MACROD2: variants seen among roughly 807,000 people sequenced by gnomAD.
The protein encoded by MACROD2 is ADP-ribose glycohydrolase MACROD2.
In MACROD2, 36 loss-of-function variants were observed where a neutral mutation model predicts 70.4. The observed-to-expected ratio is 0.51, with a 90% CI of 0.39 to 0.68. The LOEUF (loss-of-function observed/expected upper bound fraction) is 0.68, where lower values mean the gene tolerates loss of function less well. MACROD2 is among the 30% of genes least tolerant of loss of function. The pLI is 0.00. For synonymous variants in MACROD2, 172 were observed against 178.8 expected (o/e 0.96, Z 0.30); for missense variants, 496 against 538.4 (o/e 0.92, Z 0.78).
chr20:15,719,991 T>C (rs1242027285), intron 8 of MACROD2, among the ~76,000 whole-genome samples: 1 of 152,196 alleles, frequency 6.6e-6, no homozygotes, highest in African/African-American at 2.4e-5. Context: ...ATCACTATTC[T>C]AGTCACTACT....
chr20:14,869,006 C>T (rs1177374525), intron 5 of MACROD2, among the ~76,000 whole-genome samples: 1 of 152,110 alleles, frequency 6.6e-6, no homozygotes, highest in Non-Finnish European at 1.5e-5. Flanking sequence ...CACAAATTAT[C>T]AGGAACTCCA....
intron 5 of MACROD2, among the ~76,000 whole-genome samples, chr20:14,877,649 T>G (rs1445653673): frequency 6.6e-6 from 1 of 152,054 alleles, no homozygotes; most frequent in African/African-American, 2.4e-5. Flanking sequence ...TTCTTGAGGT[T>G]TTTTTGTTTT....
At chr20:16,023,197 C>T (rs34676431) in intron 15 of MACROD2, among the ~76,000 whole-genome samples, 15,177 of 151,602 alleles carry the variant, frequency 0.1, 779 homozygotes, top group East Asian at 0.14. Context: ...TGGTGCCATC[C>T]GGGCATGGTG....
At chr20:14,788,763 GTTTTTT>G (rs1195877119) in intron 5 of MACROD2, among the ~76,000 whole-genome samples, 1 of 79,476 alleles carries the variant, frequency 1.3e-5, no homozygotes. Flanking sequence ...TAGTGGTGGT[GTTTTTT>G]TTTTTTTTTT....
intron 2 of MACROD2, among the ~76,000 whole-genome samples, chr20:14,009,888 A>T (rs1409876546): frequency 6.6e-6 from 1 of 152,164 alleles, no homozygotes; most frequent in Non-Finnish European, 1.5e-5. Flanking sequence ...ACCAAATACC[A>T]CATGTTCTCA....
chr20:15,039,631 T>C (rs1861650116), intron 5 of MACROD2, among the ~76,000 whole-genome samples: 1 of 149,472 alleles, frequency 6.7e-6, no homozygotes, highest in African/African-American at 2.5e-5. Flanking sequence ...TCAGGGAGAG[T>C]GGGAGAGGAG....
intron 6 of MACROD2, among the ~76,000 whole-genome samples, chr20:15,327,619 C>T (rs1363215930): frequency 1.3e-5 from 2 of 151,946 alleles, no homozygotes; most frequent in African/African-American, 2.4e-5. Flanking sequence ...GGGTAACTGC[C>T]CCCATGATTA....
At chr20:14,577,817 G>GAGAAGAGA (rs1555803940) in intron 4 of MACROD2, among the ~76,000 whole-genome samples, 134 of 151,816 alleles carry the variant, frequency 8.8e-4, no homozygotes, top group Middle Eastern at 3.4e-3. Context: ...GAGAAGAGAA[G>GAGAAGAGA]AGAAGAGAAG....
At chr20:14,595,734 C>T (rs1000453735) in intron 4 of MACROD2, among the ~76,000 whole-genome samples, 4 of 152,130 alleles carry the variant, frequency 2.6e-5, no homozygotes, top group Non-Finnish European at 5.9e-5. Context: ...TACACATTGT[C>T]GAATTGCCTC....
intron 2 of MACROD2, among the ~76,000 whole-genome samples, chr20:14,019,944 A>G (rs2053050464): frequency 6.6e-6 from 1 of 152,114 alleles, no homozygotes; most frequent in Non-Finnish European, 1.5e-5. Context: ...ATGGCCTTTT[A>G]TTAGTTTTAC....
chr20:15,648,824 T>A (rs932098437), intron 8 of MACROD2, among the ~76,000 whole-genome samples: 1 of 152,074 alleles, frequency 6.6e-6, no homozygotes, highest in Non-Finnish European at 1.5e-5. Flanking sequence ...CACTGAGAGA[T>A]GAGAAAAAGG....
intron 7 of MACROD2, among the ~76,000 whole-genome samples, chr20:15,432,782 T>C (rs757165530): frequency 3.3e-5 from 5 of 152,162 alleles, no homozygotes; most frequent in Non-Finnish European, 4.4e-5. Flanking sequence ...GTTTATTACC[T>C]TGTCAGAGAG....
chr20:14,758,720 A>G (rs111901162), intron 5 of MACROD2, among the ~76,000 whole-genome samples: 1 of 152,090 alleles, frequency 6.6e-6, no homozygotes, highest in East Asian at 1.9e-4. Context: ...GGATCCTATC[A>G]TTGGAATTAC....
At chr20:14,336,554 G>T (rs1342976162) in intron 3 of MACROD2, among the ~76,000 whole-genome samples, 1 of 152,042 alleles carries the variant, frequency 6.6e-6, no homozygotes, top group Non-Finnish European at 1.5e-5. Context: ...ATTATAAGTT[G>T]CAAAGAATGG....
intron 3 of MACROD2, among the ~76,000 whole-genome samples, chr20:14,260,030 A>G (rs2082089528): frequency 6.6e-6 from 1 of 152,194 alleles, no homozygotes. Flanking sequence ...ATAGTGTGTC[A>G]TTTTACTGAC....
intron 5 of MACROD2, among the ~76,000 whole-genome samples, chr20:14,793,647 C>T (rs2072476666): frequency 2.0e-5 from 3 of 151,926 alleles, no homozygotes; most frequent in Admixed American, 2.0e-4. Context: ...GATGGGGGAA[C>T]AAATTAAAAG....
chr20:15,976,921 C>G (rs960518139), intron 13 of MACROD2, among the ~76,000 whole-genome samples: 1 of 152,162 alleles, frequency 6.6e-6, no homozygotes, highest in Non-Finnish European at 1.5e-5. Context: ...CAGAAACTCC[C>G]TGGTGTTCAT....
At chr20:14,613,702 C>A (rs1010025616) in intron 4 of MACROD2, among the ~76,000 whole-genome samples, 9 of 151,892 alleles carry the variant, frequency 5.9e-5, no homozygotes, top group Admixed American at 5.9e-4. Flanking sequence ...AAGAGAGTAT[C>A]CTAAAATAAC....
At chr20:14,950,705 T>C (rs534899003) in intron 5 of MACROD2, among the ~76,000 whole-genome samples, 9 of 152,270 alleles carry the variant, frequency 5.9e-5, no homozygotes, top group African/African-American at 1.9e-4. Context: ...AGGGTCTCCA[T>C]TGAAGAGAAT....
Sources: allele counts gnomAD v4.1 joint callset (sites outside exome capture counted in the v4.1 genomes callset), GRCh38; gene constraint gnomAD v4.1.1; transcripts MANE v1.5; gene names NCBI Gene and HGNC (gene_info 2026-07-23, HGNC 2026-07-21).